MAP7D2: variants seen among roughly 807,000 people sequenced by gnomAD.
The protein encoded by MAP7D2 is MAP7 domain-containing protein 2.
Under a neutral mutation model 63.5 loss-of-function variants are expected in MAP7D2, and 33 were observed. The observed-to-expected ratio is 0.52, with a 90% CI of 0.39 to 0.70. The LOEUF (loss-of-function observed/expected upper bound fraction) is 0.70. Ranked by LOEUF, MAP7D2 falls within the 30% of genes least tolerant of loss-of-function variation. The pLI is 0.00. For synonymous variants in MAP7D2, 224 were observed against 223.7 expected (o/e 1.00, Z -0.01); for missense variants, 626 against 604.0 (o/e 1.04, Z -0.38).
intron 1 of MAP7D2, among the ~76,000 whole-genome samples, chrX:20,101,386 C>T (rs773532365): frequency 3.6e-5 from 4 of 111,949 alleles, no homozygotes; most frequent in South Asian, 3.7e-4. Context: ...AAGAAAAAAT[C>T]GAATATCAAG....
At chrX:20,113,577 A>G (rs1020299764) in intron 1 of MAP7D2, among the ~76,000 whole-genome samples, 1 of 112,341 alleles carries the variant, frequency 8.9e-6, no homozygotes, top group Non-Finnish European at 1.9e-5. Flanking sequence ...GCGTTCAAGA[A>G]TGGTTTTAAA....
At chrX:20,079,229 T>A (rs1415251469) in intron 1 of MAP7D2, among the ~76,000 whole-genome samples, 1 of 111,036 alleles carries the variant, frequency 9.0e-6, no homozygotes, top group African/African-American at 3.3e-5. Flanking sequence ...AGGTATGCCT[T>A]CTGCCAGGGC....
intron 10 of MAP7D2, among the ~76,000 whole-genome samples, chrX:20,020,582 T>G (rs967417630): frequency 1.8e-5 from 2 of 111,803 alleles, no homozygotes; most frequent in African/African-American, 6.5e-5. Context: ...TAAGGCTGCA[T>G]GACCCTGGCT....
intron 7 of MAP7D2, among the ~76,000 whole-genome samples, chrX:20,042,992 G>A (rs757697985): frequency 1.8e-5 from 2 of 112,024 alleles, no homozygotes; most frequent in African/African-American, 6.5e-5. Flanking sequence ...ATCCAAGACA[G>A]TGAGCTGTGG....
intron 10 of MAP7D2, among the ~76,000 whole-genome samples, chrX:20,022,936 A>G (rs2148171721): frequency 8.9e-6 from 1 of 112,050 alleles, no homozygotes; most frequent in South Asian, 3.7e-4. Context: ...GCAGCTCTTG[A>G]GCACGGAAAT....
At chrX:20,102,852 C>T (rs2066472907) in intron 1 of MAP7D2, among the ~76,000 whole-genome samples, 1 of 110,846 alleles carries the variant, frequency 9.0e-6, no homozygotes, top group Admixed American at 9.7e-5. Flanking sequence ...ATATGCTTCC[C>T]TCTGCTTCCT....
intron 1 of MAP7D2, among the ~76,000 whole-genome samples, chrX:20,100,539 T>C (rs1197563390): frequency 9.1e-6 from 1 of 109,331 alleles, no homozygotes; most frequent in Non-Finnish European, 1.9e-5. Flanking sequence ...ATCCAGGATT[T>C]TCCAAGTAGG....
At chrX:20,023,836 G>A (rs913035951) in intron 10 of MAP7D2, among the ~76,000 whole-genome samples, 2 of 110,772 alleles carry the variant, frequency 1.8e-5, no homozygotes, top group African/African-American at 6.6e-5. Context: ...CATGCCACTC[G>A]ACAAAACAAA....
intron 1 of MAP7D2, among the ~76,000 whole-genome samples, chrX:20,115,455 T>C (rs1164928692): frequency 9.0e-6 from 1 of 111,458 alleles, no homozygotes; most frequent in Non-Finnish European, 1.9e-5. Context: ...CGGAGGGTCG[T>C]TCTGGTGGGT....
intron 1 of MAP7D2, among the ~76,000 whole-genome samples, chrX:20,086,815 T>C (rs1238213814): frequency 8.9e-6 from 1 of 111,737 alleles, no homozygotes; most frequent in African/African-American, 3.3e-5. Context: ...AGTCTCGCTC[T>C]GTTGCCCAGG....
intron 10 of MAP7D2, among the ~76,000 whole-genome samples, chrX:20,016,703 G>A (rs2073409111): frequency 8.9e-6 from 1 of 111,941 alleles, no homozygotes; most frequent in African/African-American, 3.3e-5. Flanking sequence ...TAAAACCAAT[G>A]AAAGCTAGGA....
chrX:20,025,552 C>T (rs1481544578), intron 9 of MAP7D2, 129 bp downstream of exon 9: 1 of 839,817 alleles, frequency 1.2e-6, no homozygotes, highest in African/African-American at 2.0e-5. Context: ...CCCAAGAAAG[C>T]TGCACGAGGG....
Position 20,010,893 on chromosome X carries a change from A to G in MAP7D2, c.2232T>C (p.Ser744=). The G allele has an allele frequency of 8.3e-7, 1 of 1,211,349 alleles. No homozygotes were observed. Among genetic ancestry groups the G allele is most frequent in the South Asian group, 1.8e-5 (1 of 56,978 alleles). The part of the protein sequence containing the change: ...TGPPTFPKRS[S]ENLSLDDCNK... Reference sequence around the variant, plus strand: ...TACAGTCGTCCAGGCTGAGATTTTCACTGGATCTCTTGGGGAATGTCGGGG... The same window carrying G: ...TACAGTCGTCCAGGCTGAGATTTTCGCTGGATCTCTTGGGGAATGTCGGGG... The change falls in exon 16 of 17, where the codon AGT becomes AGC. Residue 744 remains serine, a synonymous_variant. Coordinates refer to ENST00000379643, the MANE Select transcript of MAP7D2 (RefSeq NM_001168465.2).
At chrX:20,062,316 G>A (rs1383800017) in intron 3 of MAP7D2, among the ~76,000 whole-genome samples, 1 of 111,424 alleles carries the variant, frequency 9.0e-6, no homozygotes, top group African/African-American at 3.3e-5. Flanking sequence ...TTTGAACTGG[G>A]AGCAGATGAA....
In MAP7D2 at chrX:20,111,072, G is replaced by C. The variant is rs1256339651; in HGVS notation, c.130+5678C>G. On this transcript the variant is annotated intron_variant, in intron 1 of 16. Coordinates refer to ENST00000379643, the MANE Select transcript of MAP7D2 (RefSeq NM_001168465.2). ...AGCAGCCACGCTGTTAGAAAGTCCA[G>C]GACAGACTCTCTGTGATTAGGTACC... Among the ~76,000 whole-genome samples the C allele has an allele frequency of 2.7e-5, 3 of 111,642 alleles. No individual in the cohort carries two copies. In the East Asian group the frequency reaches 8.4e-4, roughly 31 times the overall value.
At chrX:20,018,586 G>C (rs1882706232) in intron 10 of MAP7D2, among the ~76,000 whole-genome samples, 1 of 108,808 alleles carries the variant, frequency 9.2e-6, no homozygotes, top group African/African-American at 3.4e-5. Context: ...GGGACTACAG[G>C]CATGCGCCGC....
intron 1 of MAP7D2, among the ~76,000 whole-genome samples, chrX:20,114,070 G>A (rs1399393647): frequency 8.9e-6 from 1 of 111,843 alleles, no homozygotes; most frequent in Non-Finnish European, 1.9e-5. Context: ...GTCTCGCTCT[G>A]TCACCCAGGC....
At chrX:20,088,748 AT>A (rs886171586) in intron 1 of MAP7D2, among the ~76,000 whole-genome samples, 4 of 109,857 alleles carry the variant, frequency 3.6e-5, no homozygotes, top group African/African-American at 9.9e-5. Flanking sequence ...TGATTTATCA[AT>A]TTTTTTCTTT....
chrX:20,028,628 C>T (rs750557013), intron 8 of MAP7D2, among the ~76,000 whole-genome samples: 6 of 111,790 alleles, frequency 5.4e-5, no homozygotes, highest in Admixed American at 9.5e-5. Flanking sequence ...CTTCCTTTCA[C>T]GCTGTTATCT....
Sources: allele counts gnomAD v4.1 joint callset (sites outside exome capture counted in the v4.1 genomes callset), GRCh38; gene constraint gnomAD v4.1.1; transcripts MANE v1.5; gene names NCBI Gene and HGNC (gene_info 2026-07-23, HGNC 2026-07-21).